The following COX7B2 variants were observed in gnomAD, a reference collection of about 807,000 sequenced individuals.
COX7B2 encodes the protein cytochrome c oxidase subunit 7B2, also known as cytochrome c oxidase subunit 7B2, mitochondrial.
For synonymous variants in COX7B2, 37 were observed against 32.1 expected (o/e 1.15, Z -0.51); for missense variants, 109 against 95.9 (o/e 1.14, Z -0.57).
At chr4:46,810,323 T>C (rs1450625533) in intron 2 of COX7B2, among the ~76,000 whole-genome samples, 2 of 152,026 alleles carry the variant, frequency 1.3e-5, no homozygotes, top group African/African-American at 4.8e-5. Flanking sequence ...ATTTGTTCTC[T>C]GCTTCTTTTG....
At chr4:46,876,239 C>G (rs903086386) in intron 1 of COX7B2, among the ~76,000 whole-genome samples, 1 of 151,910 alleles carries the variant, frequency 6.6e-6, no homozygotes, top group Non-Finnish European at 1.5e-5. Context: ...ATGCATGGGG[C>G]AAATCTATGT....
intron 2 of COX7B2, among the ~76,000 whole-genome samples, chr4:46,744,921 G>A (rs1714932133): frequency 1.3e-5 from 2 of 151,744 alleles, no homozygotes; most frequent in African/African-American, 4.8e-5. Context: ...TAGTAGAGAC[G>A]GGGTTTCACT....
chr4:46,765,053 T>A (rs1716443022), intron 2 of COX7B2, among the ~76,000 whole-genome samples: 1 of 151,332 alleles, frequency 6.6e-6, no homozygotes, highest in Non-Finnish European at 1.5e-5. Flanking sequence ...TTTAAAGAAA[T>A]GCCAAGCAGA....
intron 2 of COX7B2, among the ~76,000 whole-genome samples, chr4:46,763,375 G>T (rs2109486036): frequency 6.6e-6 from 1 of 150,738 alleles, no homozygotes; most frequent in Non-Finnish European, 1.5e-5. Context: ...ATGTTACATG[G>T]TCTTACAGCA....
At chr4:46,794,001 A>G (rs1718189224) in intron 2 of COX7B2, among the ~76,000 whole-genome samples, 1 of 152,196 alleles carries the variant, frequency 6.6e-6, no homozygotes, top group Non-Finnish European at 1.5e-5. Context: ...AGCAACTGCC[A>G]TGAAAGACAA....
At chr4:46,857,295 A>G (rs749746416) in intron 1 of COX7B2, among the ~76,000 whole-genome samples, 6 of 152,242 alleles carry the variant, frequency 3.9e-5, no homozygotes, top group Non-Finnish European at 7.3e-5. Flanking sequence ...TACACCACAT[A>G]GTTAACAAGT....
intron 1 of COX7B2, among the ~76,000 whole-genome samples, chr4:46,855,252 G>C (rs190607370): frequency 1.3e-5 from 2 of 152,114 alleles, no homozygotes; most frequent in Non-Finnish European, 2.9e-5. Flanking sequence ...CTTGAACCCA[G>C]GAGGCAGATT....
At chr4:46,806,355 TA>T (rs554415046) in intron 2 of COX7B2, among the ~76,000 whole-genome samples, 1,810 of 148,628 alleles carry the variant, frequency 0.012, 34 homozygotes, top group African/African-American at 0.042. Flanking sequence ...AAAAATAAAG[TA>T]AAAAAAAAAC....
chr4:46,871,209 C>A (rs966229095), intron 1 of COX7B2, among the ~76,000 whole-genome samples: 1 of 152,118 alleles, frequency 6.6e-6, no homozygotes, highest in African/African-American at 2.4e-5. Flanking sequence ...ACCATATGAT[C>A]TTTGACAAAC....
chr4:46,889,867 A>C (rs1402845187), intron 1 of COX7B2, among the ~76,000 whole-genome samples: 2 of 151,730 alleles, frequency 1.3e-5, no homozygotes, highest in African/African-American at 4.8e-5. Flanking sequence ...CAAGGAGTTG[A>C]ATTTTTGAGT....
intron 1 of COX7B2, among the ~76,000 whole-genome samples, chr4:46,854,606 A>G (rs1716895236): frequency 6.6e-6 from 1 of 152,226 alleles, no homozygotes; most frequent in South Asian, 2.1e-4. Flanking sequence ...CACACAGTAG[A>G]CACTAAGGAC....
At chr4:46,761,462 A>T (rs1373391300) in intron 2 of COX7B2, among the ~76,000 whole-genome samples, 33 of 152,234 alleles carry the variant, frequency 2.2e-4, no homozygotes, top group Non-Finnish European at 2.9e-5. Context: ...TTTGTCAGTC[A>T]TTCCCACTGT....
intron 2 of COX7B2, among the ~76,000 whole-genome samples, chr4:46,788,394 G>T (rs1445692425): frequency 6.6e-6 from 1 of 152,090 alleles, no homozygotes; most frequent in African/African-American, 2.4e-5. Context: ...ATGACAATGT[G>T]TTCTTGAAAA....
chr4:46,815,443 A>C (rs1719501861), intron 2 of COX7B2, among the ~76,000 whole-genome samples: 1 of 152,128 alleles, frequency 6.6e-6, no homozygotes, highest in African/African-American at 2.4e-5. Flanking sequence ...AATTCTAATA[A>C]AACCTTTTTC....
At chr4:46,764,679 CAAAAAA>C (rs11357133) in intron 2 of COX7B2, among the ~76,000 whole-genome samples, 1 of 129,088 alleles carries the variant, frequency 7.7e-6, no homozygotes, top group Admixed American at 7.7e-5. Context: ...GACTCCGCCT[CAAAAAA>C]AAAAAAAAAA....
chr4:46,838,883 C>CT lies in COX7B2; in HGVS notation c.-50+6076dup, dbSNP rs879855732. ...CAGATTAATTTTACCTTTCCTGGAA[C>CT]TTTTTTTTTTTTAATTTCAAAATCT... is the stretch of plus-strand genomic sequence containing the variant. On this transcript the variant is annotated intron_variant, in intron 2 of 2. Transcript: ENST00000355591. Among the ~76,000 whole-genome samples the CT allele has an allele frequency of 3.1e-3, 455 of 146,386 alleles. 2 individuals are homozygous for CT. Among genetic ancestry groups the CT allele is most frequent in the African/African-American group, 1.0e-2 (401 of 40,262 alleles).
intron 2 of COX7B2, among the ~76,000 whole-genome samples, chr4:46,807,739 A>G (rs1284757004): frequency 6.6e-6 from 1 of 151,896 alleles, no homozygotes; most frequent in African/African-American, 2.4e-5. Context: ...TCTATTGCAT[A>G]TGGAAATCTA....
chr4:46,735,478 AAGG>A (rs1445215978), intron 2 of COX7B2, among the ~76,000 whole-genome samples: 1 of 152,200 alleles, frequency 6.6e-6, no homozygotes, highest in African/African-American at 2.4e-5. Flanking sequence ...AAACAACAAC[AAGG>A]TAAGCATGTA....
intron 1 of COX7B2, among the ~76,000 whole-genome samples, chr4:46,892,754 G>C (rs777583842): frequency 6.6e-6 from 1 of 152,120 alleles, no homozygotes; most frequent in African/African-American, 2.4e-5. Context: ...TCGTTGTTGT[G>C]GAAGTAATTA....
Sources: gnomAD v4.1 joint callset for allele counts (sites outside exome capture counted in the v4.1 genomes callset) on GRCh38, gnomAD v4.1.1 for gene constraint, MANE v1.5 for transcripts, NCBI Gene and HGNC (gene_info 2026-07-23, HGNC 2026-07-21) for gene names.